Variants in SLC71A1 observed in about 807,000 individuals in gnomAD.
The protein encoded by SLC71A1 is hippocampus abundant gene transcript 1.
chr1:100,047,417 A>AT, the SLC71A1 span, among the ~76,000 whole-genome samples: 1 of 151,964 alleles, frequency 6.6e-6, no homozygotes, highest in African/African-American at 2.4e-5. Flanking sequence ...ATGATGAATG[A>AT]TTTTTTTGTT....
chr1:100,055,603 A>G, the SLC71A1 span, among the ~76,000 whole-genome samples: 1 of 151,634 alleles, frequency 6.6e-6, no homozygotes, highest in African/African-American at 2.4e-5. Flanking sequence ...TTGTGGGTAC[A>G]TAGGTGTATA....
chr1:100,081,980 C>A, the SLC71A1 span: 1 of 1,573,948 alleles, frequency 6.4e-7, no homozygotes, highest in Non-Finnish European at 8.7e-7. Flanking sequence ...TGTAAAAATC[C>A]TAATTACTTT....
At chr1:100,040,617 T>C in the SLC71A1 span, among the ~76,000 whole-genome samples, 4 of 152,080 alleles carry the variant, frequency 2.6e-5, no homozygotes, top group Admixed American at 1.3e-4. Flanking sequence ...CGTGCCACCA[T>C]GCCTGGCTAA....
At chr1:100,083,250 C>T in the SLC71A1 span, 35 of 152,418 alleles carry the variant, frequency 2.3e-4, no homozygotes. Flanking sequence ...CTGTTTTCAT[C>T]TTGTGTGTGG....
the SLC71A1 span, among the ~76,000 whole-genome samples, chr1:100,051,479 T>G: frequency 2.6e-5 from 4 of 151,920 alleles, no homozygotes; most frequent in African/African-American, 9.7e-5. Context: ...TTTTTTAGTT[T>G]ACTGATTTCA....
chr1:100,075,514 A>G, the SLC71A1 span, among the ~76,000 whole-genome samples: 1 of 152,220 alleles, frequency 6.6e-6, no homozygotes, highest in Non-Finnish European at 1.5e-5. Flanking sequence ...GTTGGAGGCC[A>G]CAGAGCTTTG....
At chr1:100,063,265 A>AAAAACAAAACAAAAC in the SLC71A1 span, among the ~76,000 whole-genome samples, 3 of 151,394 alleles carry the variant, frequency 2.0e-5, no homozygotes, top group East Asian at 1.9e-4. Context: ...TGTTCTGGCA[A>AAAAACAAAACAAAAC]AAAACAAAAC....
the SLC71A1 span, chr1:100,077,311 A>G: frequency 3.6e-6 from 4 of 1,105,572 alleles, no homozygotes. Flanking sequence ...AATATTTTTA[A>G]TTTTGGTGTT....
chr1:100,069,654 C>G, the SLC71A1 span: 2 of 1,612,054 alleles, frequency 1.2e-6, no homozygotes, highest in South Asian at 2.2e-5. Context: ...GCGTTTATAG[C>G]AGTCCTTGGC....
At chr1:100,081,475 G>C in the SLC71A1 span, among the ~76,000 whole-genome samples, 1 of 152,204 alleles carries the variant, frequency 6.6e-6, no homozygotes, top group East Asian at 1.9e-4. Flanking sequence ...AAGTTCAAGC[G>C]ATTCTTTTAA....
the SLC71A1 span, among the ~76,000 whole-genome samples, chr1:100,045,065 G>A: frequency 1.5e-3 from 227 of 152,232 alleles, no homozygotes; most frequent in Non-Finnish European, 1.6e-3. Flanking sequence ...GATGGGAATT[G>A]CATTGAATCT....
At chr1:100,047,960 T>A in the SLC71A1 span, among the ~76,000 whole-genome samples, 1 of 152,320 alleles carries the variant, frequency 6.6e-6, no homozygotes, top group East Asian at 1.9e-4. Context: ...GTGATATCAC[T>A]TAAAATCATT....
the SLC71A1 span, among the ~76,000 whole-genome samples, chr1:100,054,874 A>G: frequency 6.6e-6 from 1 of 152,198 alleles, no homozygotes; most frequent in African/African-American, 2.4e-5. Context: ...TAGAAATTGT[A>G]TGGCCCCAAA....
At chr1:100,038,435 C>A in the SLC71A1 span, 1 of 838,492 alleles carries the variant, frequency 1.2e-6, no homozygotes, top group Non-Finnish European at 1.9e-6. Context: ...CCACCCTGTC[C>A]GAGCTGCCGG....
At chr1:100,061,532 G>C in the SLC71A1 span, among the ~76,000 whole-genome samples, 3 of 152,114 alleles carry the variant, frequency 2.0e-5, no homozygotes, top group Non-Finnish European at 4.4e-5. Flanking sequence ...GTTTGTTGCT[G>C]TTTTTGGCAG....
At chr1:100,058,622 C>A in the SLC71A1 span, 5 of 1,020,300 alleles carry the variant, frequency 4.9e-6, no homozygotes, top group Non-Finnish European at 7.7e-6. Context: ...TTTATTAAGA[C>A]TGAAATATAG....
At chr1:100,063,615 G>T in the SLC71A1 span, among the ~76,000 whole-genome samples, 3 of 152,180 alleles carry the variant, frequency 2.0e-5, no homozygotes, top group Admixed American at 6.5e-5. Flanking sequence ...GGGCAACATA[G>T]TGAGACCCCA....
the SLC71A1 span, among the ~76,000 whole-genome samples, chr1:100,075,023 T>C: frequency 3.3e-5 from 5 of 152,350 alleles, no homozygotes; most frequent in East Asian, 1.9e-4. Context: ...AAGGGGAAGA[T>C]AGTCATTTCT....
the SLC71A1 span, among the ~76,000 whole-genome samples, chr1:100,052,495 G>A: frequency 2.2e-5 from 3 of 138,558 alleles, no homozygotes; most frequent in African/African-American, 5.5e-5. Flanking sequence ...GCAGAGGCAC[G>A]ATCTTGGCTC....
Sources: gnomAD v4.1 joint callset for allele counts (sites outside exome capture counted in the v4.1 genomes callset) on GRCh38, gnomAD v4.1.1 for gene constraint, MANE v1.5 for transcripts, NCBI Gene and HGNC (gene_info 2026-07-23, HGNC 2026-07-21) for gene names.